Variants in PTER observed in about 807,000 individuals in gnomAD.
PTER encodes phosphotriesterase related.
In PTER, 38 loss-of-function variants were observed where a neutral mutation model predicts 29.6. That is an observed-to-expected ratio of 1.28 (90% CI 0.99 to 1.68). The LOEUF (loss-of-function observed/expected upper bound fraction) is 1.68, where lower values mean the gene tolerates loss of function less well. Ranked by LOEUF, PTER falls within the 40% of genes most tolerant of loss-of-function variation. PTER has a pLI of 0.00. For missense variants in PTER, 482 were observed against 427.8 expected (o/e 1.13, Z -1.12); for synonymous variants, 172 against 154.5 (o/e 1.11, Z -0.84).
intron 1 of PTER, among the ~76,000 whole-genome samples, chr10:16,461,827 A>G (rs552071984): frequency 1.3e-5 from 2 of 152,278 alleles, no homozygotes; most frequent in African/African-American, 2.4e-5. Context: ...TTTTATAACC[A>G]TATATTGCCC....
At chr10:16,461,146 A>G (rs1834599634) in intron 1 of PTER, among the ~76,000 whole-genome samples, 1 of 152,156 alleles carries the variant, frequency 6.6e-6, no homozygotes, top group Admixed American at 6.5e-5. Context: ...AATATTTTAA[A>G]TATGTGATTT....
intron 3 of PTER, among the ~76,000 whole-genome samples, chr10:16,504,531 CAAGA>C (rs1238550936): frequency 6.6e-6 from 1 of 152,184 alleles, no homozygotes; most frequent in Admixed American, 6.5e-5. Flanking sequence ...ACAATCTTCA[CAAGA>C]AAATCACCCT....
At chr10:16,497,383 GTT>G (rs34220470) in intron 3 of PTER, among the ~76,000 whole-genome samples, 2 of 151,670 alleles carry the variant, frequency 1.3e-5, no homozygotes, top group Non-Finnish European at 2.9e-5. Flanking sequence ...GTACTTCAAT[GTT>G]TTTTAGCACA....
chr10:16,507,854 T>C (rs1175268972), intron 4 of PTER, among the ~76,000 whole-genome samples: 1 of 152,180 alleles, frequency 6.6e-6, no homozygotes, highest in African/African-American at 2.4e-5. Context: ...TTTAATTTAC[T>C]TGCCCAGGAA....
At chr10:16,439,179 G>T (rs1409689498) in intron 1 of PTER, among the ~76,000 whole-genome samples, 1 of 152,070 alleles carries the variant, frequency 6.6e-6, no homozygotes, top group Non-Finnish European at 1.5e-5. Flanking sequence ...GTATTTTGGA[G>T]GTCAGTAGCG....
chr10:16,481,928 C>T (rs1470097265), intron 1 of PTER, among the ~76,000 whole-genome samples: 1 of 152,152 alleles, frequency 6.6e-6, no homozygotes, highest in Non-Finnish European at 1.5e-5. Flanking sequence ...CTACACACTC[C>T]TTGCTCTCAG....
intron 3 of PTER, among the ~76,000 whole-genome samples, chr10:16,488,081 A>T (rs891378014): frequency 6.6e-6 from 1 of 152,218 alleles, no homozygotes; most frequent in Admixed American, 6.5e-5. Flanking sequence ...GTCAGTATTA[A>T]TGGGGAAACT....
intron 1 of PTER, among the ~76,000 whole-genome samples, chr10:16,459,894 T>A (rs1198994068): frequency 2.0e-5 from 3 of 152,072 alleles, no homozygotes; most frequent in Non-Finnish European, 4.4e-5. Flanking sequence ...ATTACAGGCA[T>A]GCGCCACCAT....
chr10:16,447,030 C>G (rs1834037586), intron 1 of PTER, among the ~76,000 whole-genome samples: 1 of 151,798 alleles, frequency 6.6e-6, no homozygotes. Context: ...TTCAGGCGAT[C>G]TGCCTCCCTT....
At chr10:16,487,538 C>G (rs1028297529) in intron 3 of PTER, among the ~76,000 whole-genome samples, 1 of 152,174 alleles carries the variant, frequency 6.6e-6, no homozygotes, top group Admixed American at 6.5e-5. Context: ...AGACCTTTTC[C>G]CCAAATAATG....
intron 3 of PTER, among the ~76,000 whole-genome samples, chr10:16,494,646 T>C (rs1836023816): frequency 6.6e-6 from 1 of 152,214 alleles, no homozygotes; most frequent in African/African-American, 2.4e-5. Context: ...CATTTTTGGC[T>C]TGGGTCTGGA....
At chr10:16,443,523 C>T (rs1433718944) in intron 1 of PTER, among the ~76,000 whole-genome samples, 12 of 152,220 alleles carry the variant, frequency 7.9e-5, no homozygotes, top group Admixed American at 7.9e-4. Context: ...GATGACTACA[C>T]ATCTTTGGAG....
Position 16,486,580 on chromosome 10 carries a change from G to A in PTER, c.661G>A (p.Ala221Thr), listed in dbSNP as rs555929069. Residue 221 changes from alanine (A) to threonine (T), a missense_variant, in exon 3 of 5, where the codon GCA becomes ACA. By Grantham distance (58) the Ala-to-Thr change is moderately conservative. Coordinates refer to ENST00000535784, the MANE Select transcript of PTER (RefSeq NM_001261836.2). Reference protein sequence around the residue: ...QIIRILQEAGADISKTVMSHL... With the variant: ...QIIRILQEAGTDISKTVMSHL... ...TATCCGAATATTGCAAGAAGCAGGCGCAGACATCTCCAAAACAGTCATGTC... is the reference window on the plus strand; with the variant it reads ...TATCCGAATATTGCAAGAAGCAGGCACAGACATCTCCAAAACAGTCATGTC... 3.3e-5 allele frequency: 53 copies of A among 1,613,898 alleles called. No individual in the cohort carries two copies. Among genetic ancestry groups the A allele is most frequent in the African/African-American group, 1.1e-4 (8 of 75,020 alleles).
intron 3 of PTER, among the ~76,000 whole-genome samples, chr10:16,491,772 C>T (rs1045459776): frequency 6.6e-6 from 1 of 152,178 alleles, no homozygotes; most frequent in Non-Finnish European, 1.5e-5. Context: ...GGGACTGACC[C>T]TCAGTCTTAC....
intron 1 of PTER, among the ~76,000 whole-genome samples, chr10:16,475,433 AG>A (rs1184772662): frequency 6.6e-6 from 1 of 152,182 alleles, no homozygotes; most frequent in Non-Finnish European, 1.5e-5. Flanking sequence ...ATATTGTCTC[AG>A]GGCCTCTTCT....
chr10:16,488,501 G>T (rs375861071), intron 3 of PTER, among the ~76,000 whole-genome samples: 1 of 151,920 alleles, frequency 6.6e-6, no homozygotes, highest in Admixed American at 6.6e-5. Context: ...GCATTCTGCA[G>T]TTATTATACA....
At chr10:16,499,174 T>A (rs1321178316) in intron 3 of PTER, among the ~76,000 whole-genome samples, 1 of 152,168 alleles carries the variant, frequency 6.6e-6, no homozygotes, top group East Asian at 1.9e-4. Flanking sequence ...ACCTTCCTGA[T>A]AGAGCTTCTG....
chr10:16,480,973 T>C (rs531176329), intron 1 of PTER, among the ~76,000 whole-genome samples: 6 of 152,266 alleles, frequency 3.9e-5, no homozygotes, highest in African/African-American at 7.2e-5. Context: ...GACTGTCCTC[T>C]GATTCTCTTC....
Position 16,450,701 on chromosome 10 carries a change from ATGT to A in PTER, c.-49+13655_-49+13657del, listed in dbSNP as rs200498938. Among the ~76,000 whole-genome samples, 1,170 of 152,298 alleles carry A rather than the reference ATGT, an allele frequency of 7.7e-3. 20 individuals carry two copies. The highest frequency in any genetic ancestry group is 0.075 in the East Asian group (388 of 5,174). ...AGGGCAATCTTAGAAGAGGCTCAGTATGTGCTTCTGGAGCTGGACGTTAGAATC... is the reference window on the plus strand; with the variant it reads ...AGGGCAATCTTAGAAGAGGCTCAGTAGCTTCTGGAGCTGGACGTTAGAATC... On this transcript the variant is annotated intron_variant, in intron 1 of 4. Transcript: ENST00000535784.
Sources: gnomAD v4.1 joint callset for allele counts (sites outside exome capture counted in the v4.1 genomes callset) on GRCh38, gnomAD v4.1.1 for gene constraint, MANE v1.5 for transcripts, NCBI Gene and HGNC (gene_info 2026-07-23, HGNC 2026-07-21) for gene names.